CFDP1: variants seen among roughly 807,000 people sequenced by gnomAD.
The protein encoded by CFDP1 is chromatin remodeling protein CFDP1.
Under a neutral mutation model 40.1 loss-of-function variants are expected in CFDP1, and 31 were observed. The observed-to-expected ratio is 0.77, with a 90% CI of 0.58 to 1.04. The LOEUF (loss-of-function observed/expected upper bound fraction) is 1.04, where lower values mean the gene tolerates loss of function less well. Ranked by LOEUF, CFDP1 falls within the 50% of genes least tolerant of loss-of-function variation. CFDP1 has a pLI of 0.00. For missense variants in CFDP1, 423 were observed against 343.4 expected (o/e 1.23, Z -1.83); for synonymous variants, 167 against 120.0 (o/e 1.39, Z -2.56).
intron 5 of CFDP1, among the ~76,000 whole-genome samples, chr16:75,334,391 C>A (rs1454805185): frequency 6.6e-6 from 1 of 151,000 alleles, no homozygotes; most frequent in Non-Finnish European, 1.5e-5. Flanking sequence ...TCGAGACAAT[C>A]CGGCCAGCCC....
intron 5 of CFDP1, among the ~76,000 whole-genome samples, chr16:75,328,819 C>G (rs771441305): frequency 1.7e-4 from 26 of 150,270 alleles, no homozygotes; most frequent in Non-Finnish European, 3.4e-4. Context: ...GCTGGGATTA[C>G]AGGCACATGC....
intron 2 of CFDP1, among the ~76,000 whole-genome samples, chr16:75,413,775 A>C (rs987939685): frequency 6.6e-6 from 1 of 152,228 alleles, no homozygotes; most frequent in African/African-American, 2.4e-5. Flanking sequence ...CCCTTATCTA[A>C]GTTAAATAAC....
At chr16:75,303,400 A>ATGAATGTATGT in intron 6 of CFDP1, among the ~76,000 whole-genome samples, 1 of 146,168 alleles carries the variant, frequency 6.8e-6, no homozygotes, top group East Asian at 2.0e-4. Context: ...TAAATAAATA[A>ATGAATGTATGT]ATGTATGTAT....
chr16:75,405,370 G>A lies in CFDP1; in HGVS notation c.530+6455C>T, dbSNP rs1338749700. ...GTGCCAGGCATGATGACTCATGTCT[G>A]TAATCCCAACACTTTGGGAGGCCAA... On this transcript the variant is annotated intron_variant, in intron 4 of 6. Transcript: ENST00000283882. Among the ~76,000 whole-genome samples, 9 of 152,230 alleles carry A rather than the reference G, an allele frequency of 5.9e-5. No homozygotes were observed. The East Asian group carries it at 1.7e-3, about 29-fold the overall frequency.
chr16:75,313,048 TAACA>T (rs2078304315), intron 5 of CFDP1, among the ~76,000 whole-genome samples: 1 of 152,220 alleles, frequency 6.6e-6, no homozygotes, highest in African/African-American at 2.4e-5. Flanking sequence ...TCTCTGTGAA[TAACA>T]GTCCTTTACT....
chr16:75,307,057 C>A (rs2078263715), intron 5 of CFDP1, among the ~76,000 whole-genome samples: 2 of 152,096 alleles, frequency 1.3e-5, no homozygotes, highest in Non-Finnish European at 2.9e-5. Context: ...AATTGAACAG[C>A]CTCTTTACTG....
intron 1 of CFDP1, chr16:75,419,138 TA>T: frequency 1.4e-5 from 5 of 353,278 alleles, no homozygotes; most frequent in South Asian, 2.2e-5. Flanking sequence ...AAGATCAAAT[TA>T]AAAGGATACA....
chr16:75,294,857 G>C (rs375202959), intron 6 of CFDP1, among the ~76,000 whole-genome samples: 27 of 152,154 alleles, frequency 1.8e-4, no homozygotes, highest in Non-Finnish European at 3.2e-4. Flanking sequence ...CTGTCCTCCA[G>C]GCAGGACGGG....
intron 6 of CFDP1, among the ~76,000 whole-genome samples, chr16:75,298,277 C>A (rs1173871186): frequency 6.6e-6 from 1 of 152,202 alleles, no homozygotes; most frequent in African/African-American, 2.4e-5. Flanking sequence ...GGATATTCAA[C>A]CTGTATCTGG....
chr16:75,342,634 C>T (rs543830134), intron 5 of CFDP1, among the ~76,000 whole-genome samples: 4 of 151,930 alleles, frequency 2.6e-5, no homozygotes, highest in African/African-American at 4.8e-5. Context: ...CATACTACAG[C>T]GGAAAAAAAA....
At chr16:75,345,062 G>C (rs2078552793) in intron 5 of CFDP1, among the ~76,000 whole-genome samples, 1 of 152,108 alleles carries the variant, frequency 6.6e-6, no homozygotes, top group African/African-American at 2.4e-5. Flanking sequence ...ATCAAGACCA[G>C]CCTGGGCAAT....
intron 5 of CFDP1, among the ~76,000 whole-genome samples, chr16:75,350,806 G>A (rs2078605429): frequency 6.6e-6 from 1 of 152,006 alleles, no homozygotes; most frequent in African/African-American, 2.4e-5. Context: ...AATTGTATAT[G>A]GTCTATTACC....
chr16:75,385,663 T>A lies in CFDP1; in HGVS notation c.650+9427A>T, dbSNP rs1028041820. 2.6e-4 allele frequency among the ~76,000 whole-genome samples: 40 copies of A among 152,228 alleles called. 1 individual carries two copies. Among genetic ancestry groups the A allele is most frequent in the Non-Finnish European group, 7.3e-5 (5 of 68,042 alleles). Reference sequence around the variant, plus strand: ...AGACTCTTTTACCCAATCTTAAGAATGCTGCTTAATGCTTTCTGGGATCTT... The same window carrying A: ...AGACTCTTTTACCCAATCTTAAGAAAGCTGCTTAATGCTTTCTGGGATCTT... On this transcript the variant is annotated intron_variant, in intron 5 of 6. Coordinates refer to ENST00000283882, the MANE Select transcript of CFDP1 (RefSeq NM_006324.3).
chr16:75,395,393 A>G (rs2285224), intron 4 of CFDP1, among the ~76,000 whole-genome samples, 184 bp from the exon 5 acceptor site: 78,699 of 151,956 alleles, frequency 0.52, 21,458 homozygotes, highest in Admixed American at 0.64. Context: ...GGGCGTGGTG[A>G]CTCACGCCTG....
Position 75,412,700 on chromosome 16 carries a change from A to G in CFDP1, c.237T>C (p.Asn79=), listed in dbSNP as rs1289453837. Residue 79 remains asparagine, a synonymous_variant, in exon 3 of 7, where the codon AAT becomes AAC. Coordinates refer to ENST00000283882, the MANE Select transcript of CFDP1 (RefSeq NM_006324.3). ...CACTACTGCTTCCCTCAGATTCTGA[A>G]TTGGCATCCTCCTCTTCCTCTTCTT... ...SLEEEEEEDA[N]SESEGSSSEE... is the part of the protein sequence containing the mutation. The G allele has an allele frequency of 6.2e-7, 1 of 1,613,954 alleles. No homozygotes were observed. The highest frequency in any genetic ancestry group is 2.2e-5 in the East Asian group (1 of 44,892).
intron 1 of CFDP1, among the ~76,000 whole-genome samples, chr16:75,432,685 G>T (rs567632042): frequency 9.2e-5 from 14 of 152,308 alleles, no homozygotes; most frequent in African/African-American, 2.4e-5. Flanking sequence ...CTTTCAACGA[G>T]ACGGTTTGTC....
chr16:75,320,623 G>A (rs1313186988), intron 5 of CFDP1, among the ~76,000 whole-genome samples: 2 of 152,182 alleles, frequency 1.3e-5, no homozygotes, highest in Non-Finnish European at 2.9e-5. Context: ...GTGTGTGATT[G>A]ACACCCTCTC....
At chr16:75,428,406 G>C (rs1180633945) in intron 1 of CFDP1, among the ~76,000 whole-genome samples, 1 of 152,058 alleles carries the variant, frequency 6.6e-6, no homozygotes, top group African/African-American at 2.4e-5. Context: ...ACAAGGTCAG[G>C]AGATCGAGAC....
intron 4 of CFDP1, among the ~76,000 whole-genome samples, chr16:75,400,076 G>C (rs1484971831): frequency 5.4e-5 from 8 of 147,318 alleles, no homozygotes; most frequent in Non-Finnish European, 8.9e-5. Flanking sequence ...ACTCCAGCCT[G>C]GGCAACAAGA....
Sources: allele counts gnomAD v4.1 joint callset (sites outside exome capture counted in the v4.1 genomes callset), GRCh38; gene constraint gnomAD v4.1.1; transcripts MANE v1.5; gene names NCBI Gene and HGNC (gene_info 2026-07-23, HGNC 2026-07-21).